GARRE1: variants seen among roughly 807,000 people sequenced by gnomAD.
GARRE1 encodes the protein granule associated Rac and RHOG effector 1, also known as granule associated Rac and RHOG effector protein 1.
GARRE1 carries 49 observed loss-of-function variants against 103.2 expected under a neutral mutation model. The ratio of observed to expected loss-of-function variants is 0.47; its 90% CI spans 0.38 to 0.60. The LOEUF is 0.60. Ranked by LOEUF, GARRE1 falls within the 20% of genes least tolerant of loss-of-function variation. GARRE1 has a pLI of 0.00. For synonymous variants in GARRE1, 505 were observed against 532.8 expected, an observed-to-expected ratio of 0.95 and a Z score of 0.72; for missense variants, 1,199 against 1,370.5, an observed-to-expected ratio of 0.87 and a Z score of 1.98.
chr19:34,309,308 A>G (rs2074026264), intron 2 of GARRE1, among the ~76,000 whole-genome samples: 1 of 152,210 alleles, frequency 6.6e-6, no homozygotes, highest in Non-Finnish European at 1.5e-5. Context: ...GTTAAGCAAT[A>G]TAACAACCAA....
At chr19:34,314,394 G>A (rs937847412) in intron 2 of GARRE1, among the ~76,000 whole-genome samples, 31 of 152,076 alleles carry the variant, frequency 2.0e-4, no homozygotes, top group African/African-American at 7.0e-4. Context: ...TTTAGTAATC[G>A]TACAATCAAT....
At chr19:34,258,144 C>T (rs760865077) in intron 1 of GARRE1, among the ~76,000 whole-genome samples, 3 of 152,066 alleles carry the variant, frequency 2.0e-5, no homozygotes, top group African/African-American at 4.8e-5. Flanking sequence ...GGATTACAGG[C>T]GTGAGACACC....
chr19:34,277,069 A>G, intron 1 of GARRE1, among the ~76,000 whole-genome samples: 1 of 146,708 alleles, frequency 6.8e-6, no homozygotes, highest in Non-Finnish European at 1.5e-5. Context: ...CATCATGAGT[A>G]GGAGGGAGGC....
intron 1 of GARRE1, among the ~76,000 whole-genome samples, chr19:34,288,215 G>A (rs1375983346): frequency 1.3e-5 from 2 of 152,182 alleles, no homozygotes; most frequent in African/African-American, 2.4e-5. Context: ...AAAAGGAAGC[G>A]TGGGGAGTGT....
intron 2 of GARRE1, among the ~76,000 whole-genome samples, chr19:34,317,894 C>T (rs2074067205): frequency 6.6e-6 from 1 of 152,176 alleles, no homozygotes; most frequent in African/African-American, 2.4e-5. Context: ...TTATTCTACT[C>T]CTGGCACCTG....
intron 1 of GARRE1, among the ~76,000 whole-genome samples, chr19:34,284,646 T>A (rs548578232): frequency 6.6e-6 from 1 of 152,330 alleles, no homozygotes; most frequent in East Asian, 1.9e-4. Context: ...ACATGACAAA[T>A]CTCACAAGTC....
At chr19:34,340,736 T>C (rs1273348833) in intron 9 of GARRE1, among the ~76,000 whole-genome samples, 1 of 152,178 alleles carries the variant, frequency 6.6e-6, no homozygotes, top group Non-Finnish European at 1.5e-5. Flanking sequence ...TTGGCCAGGC[T>C]GGTATCAAAC....
At chr19:34,343,299 TAAAC>T (rs1374207878) in intron 10 of GARRE1, among the ~76,000 whole-genome samples, 3 of 150,466 alleles carry the variant, frequency 2.0e-5, no homozygotes, top group Non-Finnish European at 4.4e-5. Context: ...TACTAAAAAT[TAAAC>T]AAAATTAGCT....
chr19:34,279,386 A>G lies in GARRE1; in HGVS notation c.-795-20293A>G, dbSNP rs926701462. Among the ~76,000 whole-genome samples the G allele has an allele frequency of 4.6e-5, 7 of 151,380 alleles. No homozygotes were observed. The East Asian group carries it at 1.4e-3, about 30-fold the overall frequency. ...CCCATTGCGATCTCGGCTCACTGCAACCTGTGCTTCCCGGGCTCAGGTGAT... is the reference window on the plus strand; with the variant it reads ...CCCATTGCGATCTCGGCTCACTGCAGCCTGTGCTTCCCGGGCTCAGGTGAT... On this transcript the variant is annotated intron_variant, in intron 1 of 13. Transcript: ENST00000299505.
chr19:34,273,164 T>C (rs2145959197), intron 1 of GARRE1, among the ~76,000 whole-genome samples: 1 of 152,338 alleles, frequency 6.6e-6, no homozygotes, highest in Admixed American at 6.5e-5. Flanking sequence ...ATTGTGCCAC[T>C]GTACTCCAGC....
chr19:34,286,181 A>G (rs1162442229), intron 1 of GARRE1, among the ~76,000 whole-genome samples: 1 of 151,914 alleles, frequency 6.6e-6, no homozygotes, highest in Non-Finnish European at 1.5e-5. Flanking sequence ...AACAAAACAA[A>G]AAAACTTATT....
intron 8 of GARRE1, among the ~76,000 whole-genome samples, chr19:34,338,516 G>A (rs1286931260): frequency 2.0e-5 from 3 of 152,164 alleles, no homozygotes. Context: ...CCAGCCTTGA[G>A]GATAGAGTAG....
intron 1 of GARRE1, among the ~76,000 whole-genome samples, chr19:34,286,977 A>G (rs943648300): frequency 1.3e-5 from 2 of 151,842 alleles, no homozygotes; most frequent in African/African-American, 4.8e-5. Flanking sequence ...AAAAAAGTGT[A>G]TTCTCCAAAA....
At chr19:34,317,349 G>A (rs1012960266) in intron 2 of GARRE1, among the ~76,000 whole-genome samples, 6 of 152,222 alleles carry the variant, frequency 3.9e-5, no homozygotes, top group African/African-American at 7.2e-5. Context: ...TTTATTGAGA[G>A]AATGAATGAC....
chr19:34,255,620 T>A (rs1599741361), intron 1 of GARRE1, among the ~76,000 whole-genome samples: 1 of 152,186 alleles, frequency 6.6e-6, no homozygotes, highest in East Asian at 1.9e-4. Flanking sequence ...TGAGATAGTT[T>A]CCAATTTGTC....
At chr19:34,305,708 C>G (rs2074004635) in intron 2 of GARRE1, among the ~76,000 whole-genome samples, 1 of 152,190 alleles carries the variant, frequency 6.6e-6, no homozygotes, top group Non-Finnish European at 1.5e-5. Context: ...CACAGCAGTA[C>G]CTGCTTTGTT....
intron 3 of GARRE1, among the ~76,000 whole-genome samples, chr19:34,322,384 C>G (rs1245679172): frequency 6.6e-6 from 1 of 152,058 alleles, no homozygotes; most frequent in South Asian, 2.1e-4. Flanking sequence ...GTTGGCCTGA[C>G]TGGTCTTGAA....
rs187416393 is a variant in GARRE1, at chr19:34,348,879, C to T, written c.2688-137C>T. On this transcript the variant is annotated intron_variant, in intron 11 of 13. Coordinates refer to ENST00000299505, the MANE Select transcript of GARRE1 (RefSeq NM_014686.5). ...AATAAGGCAAAGGAGGAAAACCTCA[C>T]GTTTTAAGAAGGGAGAGACAAGAGA... 1.7e-4 allele frequency: 163 copies of T among 949,490 alleles called. No individual in the cohort carries two copies. In the East Asian group the frequency reaches 3.6e-3, roughly 21 times the overall value. The allele number at this position is 949,490 out of a possible 1,614,324, so 58.8% of individuals were successfully genotyped here.
chr19:34,342,251 T>A lies in GARRE1; in HGVS notation c.2317T>A (p.Ser773Thr). The change falls in exon 10 of 14, where the codon TCT (serine) becomes ACT (threonine). Residue 773 changes from serine to threonine, a missense_variant. Physicochemically the swap from Ser to Thr is moderately conservative, Grantham distance 58 (BLOSUM62 1). Coordinates refer to ENST00000299505, the MANE Select transcript of GARRE1 (RefSeq NM_014686.5). ...AGCGCAGGCTGTTGGAGCAGGTCTG[T>A]CTCCTCTTGGTCAGTGGCCTGGCAT... ...QPAQAVGAGL[S>T]PLGQWPGISD... 6.2e-7 allele frequency: 1 copy of A among 1,614,166 alleles called. No individual in the cohort carries two copies. The highest frequency in any genetic ancestry group is 1.3e-5 in the African/African-American group (1 of 75,042).
Sources: allele counts gnomAD v4.1 joint callset (sites outside exome capture counted in the v4.1 genomes callset), GRCh38; gene constraint gnomAD v4.1.1; transcripts MANE v1.5; gene names NCBI Gene and HGNC (gene_info 2026-07-23, HGNC 2026-07-21).